The following DPP10 variants were observed in gnomAD, a reference collection of about 807,000 sequenced individuals.
DPP10 encodes the protein inactive dipeptidyl peptidase 10.
In DPP10, 33 loss-of-function variants were observed where a neutral mutation model predicts 120.9. That is an observed-to-expected ratio of 0.27 (90% CI 0.21 to 0.37). The LOEUF is 0.37. Ranked by LOEUF, DPP10 falls within the 10% of genes least tolerant of loss-of-function variation. DPP10 has a pLI of 1.00. For missense variants in DPP10, 816 were observed against 942.8 expected (o/e 0.87, Z 1.76); for synonymous variants, 337 against 326.1 (o/e 1.03, Z -0.36).
chr2:114,931,008 G>A (rs1696029658), intron 1 of DPP10, among the ~76,000 whole-genome samples: 1 of 152,174 alleles, frequency 6.6e-6, no homozygotes, highest in Admixed American at 6.5e-5. Flanking sequence ...ATGAGGTTTG[G>A]AGAGGTGAAA....
chr2:114,469,681 T>A (rs1021239010), intron 1 of DPP10, among the ~76,000 whole-genome samples: 5 of 152,060 alleles, frequency 3.3e-5, no homozygotes, highest in Non-Finnish European at 7.4e-5. Flanking sequence ...TGAGCTGAGA[T>A]TGCACCACTG....
chr2:115,818,681 G>A (rs1238629962), intron 21 of DPP10, among the ~76,000 whole-genome samples: 1 of 152,152 alleles, frequency 6.6e-6, no homozygotes, highest in Admixed American at 6.6e-5. Flanking sequence ...AAGAATGAGA[G>A]GAAGACTGGG....
chr2:115,669,559 C>A (rs2149436798), intron 5 of DPP10, among the ~76,000 whole-genome samples: 1 of 152,180 alleles, frequency 6.6e-6, no homozygotes, highest in East Asian at 1.9e-4. Flanking sequence ...TAATACATAT[C>A]TTTATTTATT....
At chr2:114,456,879 T>C (rs1391037485) in intron 1 of DPP10, among the ~76,000 whole-genome samples, 4 of 152,224 alleles carry the variant, frequency 2.6e-5, no homozygotes. Flanking sequence ...AATATCCTAT[T>C]ACAGTGTGTG....
chr2:115,646,712 A>G (rs1207703145), intron 5 of DPP10, among the ~76,000 whole-genome samples: 1 of 152,186 alleles, frequency 6.6e-6, no homozygotes, highest in Non-Finnish European at 1.5e-5. Context: ...GGTTAAACAG[A>G]CTGTTTTTAT....
chr2:115,005,907 C>T (rs1454091281), intron 1 of DPP10, among the ~76,000 whole-genome samples: 2 of 152,062 alleles, frequency 1.3e-5, no homozygotes, highest in Non-Finnish European at 2.9e-5. Flanking sequence ...CTCCAAGACA[C>T]ATAATTGTCA....
intron 1 of DPP10, among the ~76,000 whole-genome samples, chr2:115,052,325 A>G (rs1705556413): frequency 6.6e-6 from 1 of 152,182 alleles, no homozygotes; most frequent in African/African-American, 2.4e-5. Context: ...AAAAATGGTA[A>G]ACTAAATTTA....
chr2:115,239,472 C>T (rs77585547), intron 1 of DPP10, among the ~76,000 whole-genome samples: 2,520 of 152,280 alleles, frequency 0.017, 71 homozygotes, highest in African/African-American at 0.058. Context: ...ACCAGCAAAA[C>T]ATTTAGACTC....
At chr2:114,599,410 G>A (rs185372936) in intron 1 of DPP10, among the ~76,000 whole-genome samples, 40 of 151,844 alleles carry the variant, frequency 2.6e-4, no homozygotes, top group Non-Finnish European at 5.3e-4. Flanking sequence ...ACCTGTGGGG[G>A]CAACTACTGT....
chr2:114,737,932 TA>T (rs956463315), intron 1 of DPP10, among the ~76,000 whole-genome samples: 2 of 152,160 alleles, frequency 1.3e-5, no homozygotes, highest in African/African-American at 4.8e-5. Flanking sequence ...GGGTGATTTG[TA>T]AAGAAAAGAG....
chr2:114,967,144 TTAA>T (rs904227225), intron 1 of DPP10, among the ~76,000 whole-genome samples: 1 of 151,972 alleles, frequency 6.6e-6, no homozygotes, highest in African/African-American at 2.4e-5. Context: ...AGAAGCAAAA[TTAA>T]TAATAATAAT....
rs187444482 is a variant in DPP10, at chr2:115,104,034, T to A, written c.61-205205T>A. ...AGCCTGGAGGTGATTTTATACAATA[T>A]CTTATACAATATTTAAAATAATTTT... On this transcript the variant is annotated intron_variant, in intron 1 of 25. Transcript: ENST00000410059. 2.5e-3 allele frequency among the ~76,000 whole-genome samples: 388 copies of A among 152,324 alleles called. 2 individuals are homozygous for A. The highest frequency in any genetic ancestry group is 9.1e-3 in the African/African-American group (377 of 41,568).
At position 115,780,941 on chromosome 2, in the gene DPP10, T is replaced by C. The variant is rs751203156; in HGVS notation, c.1429T>C (p.Tyr477His). Reference sequence around the variant, plus strand: ...TAATTTCATGAAAGAACAATGTACATATTTTGATGCCAGTTTTAGTCCCAT... The same window carrying C: ...TAATTTCATGAAAGAACAATGTACACATTTTGATGCCAGTTTTAGTCCCAT... ...SCNFMKEQCTYFDASFSPMNQ... is the reference protein window; with the variant it reads ...SCNFMKEQCTHFDASFSPMNQ... Residue 477 changes from tyrosine (Y) to histidine (H), a missense_variant, in exon 16 of 26, where the codon TAT becomes CAT. This residue lies in a region of DPP10 where 592 missense variants were observed against 649.0 expected (regional missense o/e 0.91). Coordinates refer to ENST00000410059, the MANE Select transcript of DPP10 (RefSeq NM_020868.6). 1.4e-5 allele frequency: 22 copies of C among 1,604,186 alleles called. No individual in the cohort carries two copies. The Admixed American group carries it at 1.8e-4, about 13-fold the overall frequency.
chr2:115,827,729 G>A (rs1405272085), intron 21 of DPP10, among the ~76,000 whole-genome samples: 1 of 151,580 alleles, frequency 6.6e-6, no homozygotes, highest in Non-Finnish European at 1.5e-5. Flanking sequence ...CCCAGTAGCT[G>A]GGATTACAGG....
intron 1 of DPP10, among the ~76,000 whole-genome samples, chr2:114,939,892 T>C (rs76028366): frequency 1.3e-5 from 2 of 152,186 alleles, no homozygotes; most frequent in African/African-American, 4.8e-5. Context: ...GTATATCTTA[T>C]ATAAAAATAT....
intron 5 of DPP10, among the ~76,000 whole-genome samples, chr2:115,673,930 G>A (rs2090086689): frequency 1.3e-5 from 2 of 152,132 alleles, no homozygotes; most frequent in South Asian, 2.1e-4. Flanking sequence ...GGAGGAAAGT[G>A]GCCAGGCATG....
intron 1 of DPP10, among the ~76,000 whole-genome samples, chr2:115,239,188 T>C (rs996545630): frequency 6.6e-6 from 1 of 152,152 alleles, no homozygotes; most frequent in East Asian, 1.9e-4. Context: ...CCAGGATCAA[T>C]AGCTTGCATC....
At chr2:115,238,043 A>G (rs2058086104) in intron 1 of DPP10, among the ~76,000 whole-genome samples, 1 of 152,218 alleles carries the variant, frequency 6.6e-6, no homozygotes, top group Admixed American at 6.5e-5. Flanking sequence ...TAGCCAAAAC[A>G]GCCTTCTATT....
At chr2:114,727,033 T>G (rs1259464005) in intron 1 of DPP10, among the ~76,000 whole-genome samples, 1 of 152,210 alleles carries the variant, frequency 6.6e-6, no homozygotes, top group Non-Finnish European at 1.5e-5. Context: ...AATTCAAATG[T>G]TTGGATCCCA....
Sources: allele counts gnomAD v4.1 joint callset (sites outside exome capture counted in the v4.1 genomes callset), GRCh38; gene constraint gnomAD v4.1.1; regional missense constraint gnomAD v4.1.1; transcripts MANE v1.5; gene names NCBI Gene and HGNC (gene_info 2026-07-23, HGNC 2026-07-21).